Variants in BACE2 observed in about 807,000 individuals in gnomAD.
BACE2 encodes beta-secretase 2.
BACE2 carries 17 observed loss-of-function variants against 46.2 expected under a neutral mutation model. The observed-to-expected ratio is 0.37, with a 90% CI of 0.25 to 0.55. BACE2 has a LOEUF of 0.55. BACE2 is among the 20% of genes least tolerant of loss of function. The pLI is 0.82. For missense variants in BACE2, 595 were observed against 698.1 expected, an observed-to-expected ratio of 0.85 and a Z score of 1.66; for synonymous variants, 277 against 295.9, an observed-to-expected ratio of 0.94 and a Z score of 0.66.
intron 7 of BACE2, among the ~76,000 whole-genome samples, chr21:41,255,371 A>G (rs568520612): frequency 1.3e-5 from 2 of 152,190 alleles, no homozygotes; most frequent in South Asian, 4.1e-4. Context: ...AGAGGAGGCC[A>G]GAGCCTGAGA....
chr21:41,228,494 A>G (rs191000624), intron 2 of BACE2, among the ~76,000 whole-genome samples: 108 of 152,356 alleles, frequency 7.1e-4, no homozygotes, highest in African/African-American at 2.5e-3. Context: ...CCAGGCTCTC[A>G]GGCTGCTTCC....
rs1312133614 is a variant in BACE2, at chr21:41,168,415, C to A, written c.152C>A (p.Thr51Asn). Residue 51 changes from threonine to asparagine, a missense_variant, in exon 1 of 9, where the codon ACC becomes AAC. Around this residue, in one of 3 missense-constraint regions of BACE2, gnomAD observed 248 missense variants for 261.4 expected, o/e 0.95. Coordinates refer to ENST00000330333, the MANE Select transcript of BACE2 (RefSeq NM_012105.5). ...RVVAPTPGPG[T>N]PAERHADGLA... The stretch of plus-strand genomic sequence containing the variant: ...GTTGCGCCCACCCCGGGACCCGGGA[C>A]CCCTGCCGAGCGCCACGCCGACGGC... The A allele has an allele frequency of 5.0e-6, 7 of 1,409,530 alleles. No homozygotes were observed. Among genetic ancestry groups the A allele is most frequent in the Non-Finnish European group, 6.5e-6 (7 of 1,079,588 alleles). The allele number at this position is 1,409,530 out of a possible 1,614,324, so 87.3% of individuals were successfully genotyped here. A position where few individuals can be genotyped will look rare whatever the true frequency, so the allele number is the denominator to read the frequency against.
chr21:41,230,936 C>T (rs1011545763), intron 2 of BACE2, among the ~76,000 whole-genome samples: 6 of 152,240 alleles, frequency 3.9e-5, no homozygotes, highest in Non-Finnish European at 7.3e-5. Context: ...CCAGTATACT[C>T]ATCCCTTGAC....
intron 8 of BACE2, among the ~76,000 whole-genome samples, chr21:41,271,566 CCCTTTTTT>C (rs1333456422): frequency 2.6e-5 from 4 of 152,072 alleles, no homozygotes; most frequent in Non-Finnish European, 4.4e-5. Context: ...TACATTTTTT[CCCTTTTTT>C]CCTTTTTTGC....
intron 1 of BACE2, among the ~76,000 whole-genome samples, chr21:41,223,827 C>G (rs2123569371): frequency 6.6e-6 from 1 of 152,254 alleles, no homozygotes; most frequent in Middle Eastern, 3.4e-3. Flanking sequence ...CAGCCCGGGG[C>G]CGAGAGGTAC....
rs1044893194 is a variant in BACE2, at chr21:41,277,320, C to A, written c.*1696C>A. 2 of 152,114 alleles carry A rather than the reference C, an allele frequency of 1.3e-5. No homozygotes were observed. The highest frequency in any genetic ancestry group is 6.5e-5 in the Admixed American group (1 of 15,268). 9.4% of individuals were successfully genotyped at this position (152,114 alleles called of 1,614,324 possible). On this transcript the variant is annotated 3_prime_UTR_variant, in exon 9 of 9. Coordinates refer to ENST00000330333, the MANE Select transcript of BACE2 (RefSeq NM_012105.5). ...GAAGACTCTCCAGCAGCCAGAAGAA[C>A]CTTCTGTGCTGTTTTCACTAGAGAA...
intron 2 of BACE2, among the ~76,000 whole-genome samples, chr21:41,231,026 C>T (rs1986955777): frequency 6.6e-6 from 1 of 152,172 alleles, no homozygotes; most frequent in South Asian, 2.1e-4. Context: ...CGGGTTGAAG[C>T]TCACAGAGCA....
intron 1 of BACE2, among the ~76,000 whole-genome samples, chr21:41,220,617 T>G (rs1015584999): frequency 6.6e-6 from 1 of 152,138 alleles, no homozygotes; most frequent in African/African-American, 2.4e-5. Context: ...TAGGATTAAA[T>G]CTAACCCAAA....
rs987719007 is a variant in BACE2, at chr21:41,231,201, C to T, written c.401+4847C>T. Among the ~76,000 whole-genome samples, 91 of 152,192 alleles carry T rather than the reference C, an allele frequency of 6.0e-4. 1 individual carries two copies. Among genetic ancestry groups the T allele is most frequent in the Non-Finnish European group, 1.3e-4 (9 of 68,040 alleles). Reference sequence around the variant, plus strand: ...CCATCATTTGCCTAGTAGAAGGGGACTTGCTGTTTTGGAGCCTGTGAGCAT... The same window carrying T: ...CCATCATTTGCCTAGTAGAAGGGGATTTGCTGTTTTGGAGCCTGTGAGCAT... On this transcript the variant is annotated intron_variant, in intron 2 of 8. Coordinates refer to ENST00000330333, the MANE Select transcript of BACE2 (RefSeq NM_012105.5).
intron 1 of BACE2, among the ~76,000 whole-genome samples, chr21:41,208,302 C>T (rs148268339): frequency 4.1e-4 from 62 of 152,370 alleles, no homozygotes; most frequent in Admixed American, 7.2e-4. Context: ...CACGCAGGAC[C>T]GCACGGTGTC....
intron 8 of BACE2, among the ~76,000 whole-genome samples, chr21:41,259,363 A>G (rs924006628): frequency 6.6e-6 from 1 of 152,042 alleles, no homozygotes; most frequent in Non-Finnish European, 1.5e-5. Context: ...TAAAGTAATT[A>G]CTTTCCTCAG....
At chr21:41,273,906 T>C (rs2088458241) in intron 8 of BACE2, among the ~76,000 whole-genome samples, 1 of 152,238 alleles carries the variant, frequency 6.6e-6, no homozygotes, top group South Asian at 2.1e-4. Flanking sequence ...CTGCCATGGC[T>C]TTGGCCAGTC....
rs931820469 is a variant in BACE2, at chr21:41,269,854, C to A, written c.1304-5517C>A. ...TTGTTTTTTATTTCTCCTGGATAAACACCTAGGAGTAGAATCGTTGAGTTA... is the reference window on the plus strand; with the variant it reads ...TTGTTTTTTATTTCTCCTGGATAAAAACCTAGGAGTAGAATCGTTGAGTTA... On this transcript the variant is annotated intron_variant, in intron 8 of 8. Transcript: ENST00000330333. Among the ~76,000 whole-genome samples, 43 of 152,188 alleles carry A rather than the reference C, an allele frequency of 2.8e-4. 1 individual carries two copies. Among genetic ancestry groups the A allele is most frequent in the Non-Finnish European group, 1.5e-5 (1 of 68,032 alleles).
At chr21:41,173,943 C>G (rs1016193031) in intron 1 of BACE2, among the ~76,000 whole-genome samples, 5 of 151,790 alleles carry the variant, frequency 3.3e-5, no homozygotes, top group African/African-American at 7.3e-5. Context: ...TATAAGGCAA[C>G]CCCCTTATCA....
intron 2 of BACE2, among the ~76,000 whole-genome samples, chr21:41,234,119 CTG>C: frequency 6.6e-6 from 1 of 152,278 alleles, no homozygotes; most frequent in South Asian, 2.1e-4. Context: ...TCCCCATACA[CTG>C]TCTTCGTGGC....
intron 1 of BACE2, among the ~76,000 whole-genome samples, chr21:41,191,288 G>A (rs1188231117): frequency 1.3e-5 from 2 of 152,218 alleles, no homozygotes; most frequent in Non-Finnish European, 2.9e-5. Context: ...GGATGATGGG[G>A]AGAACATGGT....
chr21:41,263,536 T>C (rs1470850285), intron 8 of BACE2, among the ~76,000 whole-genome samples: 3 of 152,210 alleles, frequency 2.0e-5, no homozygotes, highest in Non-Finnish European at 4.4e-5. Flanking sequence ...TTTGGATGTC[T>C]TTTATAAAAG....
intron 1 of BACE2, among the ~76,000 whole-genome samples, chr21:41,198,094 C>T (rs1230232371): frequency 6.6e-6 from 1 of 152,068 alleles, no homozygotes; most frequent in Non-Finnish European, 1.5e-5. Context: ...TGGGTTCAAG[C>T]AATTCTCGTG....
intron 2 of BACE2, among the ~76,000 whole-genome samples, chr21:41,236,019 G>A (rs561748113): frequency 6.6e-6 from 1 of 152,182 alleles, no homozygotes; most frequent in Non-Finnish European, 1.5e-5. Context: ...AATCAAGCCT[G>A]CAGGTGAGCA....
Sources: gnomAD v4.1 joint callset for allele counts (sites outside exome capture counted in the v4.1 genomes callset) on GRCh38, gnomAD v4.1.1 for gene constraint, gnomAD v4.1.1 regional missense constraint, MANE v1.5 for transcripts, NCBI Gene and HGNC (gene_info 2026-07-23, HGNC 2026-07-21) for gene names.